The following RASSF6 variants were observed in gnomAD, a reference collection of about 807,000 sequenced individuals.
RASSF6 encodes ras association domain-containing protein 6.
In RASSF6, 52 loss-of-function variants were observed where a neutral mutation model predicts 44.0. That is an observed-to-expected ratio of 1.18 (90% CI 0.95 to 1.49). The LOEUF (loss-of-function observed/expected upper bound fraction) is 1.49. RASSF6 is among the 40% of genes most tolerant of loss of function. The pLI is 0.00. For synonymous variants in RASSF6, 162 were observed against 124.6 expected, an observed-to-expected ratio of 1.30 and a Z score of -2.00; for missense variants, 464 against 393.3, an observed-to-expected ratio of 1.18 and a Z score of -1.52.
chr4:73,611,226 T>A lies in RASSF6; in HGVS notation c.65+505A>T, dbSNP rs931109404. Among the ~76,000 whole-genome samples the A allele has an allele frequency of 3.3e-5, 5 of 152,294 alleles. No homozygotes were observed. In the East Asian group the frequency reaches 7.7e-4, roughly 24 times the overall value. On this transcript the variant is annotated intron_variant, in intron 2 of 10. Coordinates refer to ENST00000307439, the MANE Select transcript of RASSF6 (RefSeq NM_177532.5). ...GTTTTCATCTCTACTCTTATAGCTTTTAAGCCCTTACTCTATTGTTCCCAA... is the reference window on the plus strand; with the variant it reads ...GTTTTCATCTCTACTCTTATAGCTTATAAGCCCTTACTCTATTGTTCCCAA...
rs1428783905 is a variant in RASSF6, at chr4:73,593,542, C to T, written c.196G>A (p.Val66Ile). Residue 66 changes from valine (V) to isoleucine (I), a missense_variant, in exon 4 of 11, where the codon GTA becomes ATA. Transcript: ENST00000307439. ...VEGMLDIFWG[V>I]KRPIQLKIQD... The stretch of plus-strand genomic sequence containing the variant: ...ATTTTTAGCTGTATAGGTCGTTTTA[C>T]TCCCCAGAAAATGTCCAGCATTCCT... 1 of 1,613,710 alleles carries T rather than the reference C, an allele frequency of 6.2e-7. No homozygotes were observed. The highest frequency in any genetic ancestry group is 8.5e-7 in the Non-Finnish European group (1 of 1,179,806).
intron 8 of RASSF6, among the ~76,000 whole-genome samples, chr4:73,577,549 A>G (rs1050904677): frequency 6.6e-6 from 1 of 152,166 alleles, no homozygotes. Context: ...TATCCCAGGA[A>G]AAGAGTCAAG....
chr4:73,610,259 G>C (rs1014075503), intron 2 of RASSF6, among the ~76,000 whole-genome samples: 13 of 152,088 alleles, frequency 8.5e-5, no homozygotes, highest in African/African-American at 2.2e-4. Context: ...ACTATATCCA[G>C]AATCTGACCA....
In RASSF6 at chr4:73,585,369, G is replaced by A; in HGVS notation, c.383-5C>T. On this transcript the variant is annotated splice_region_variant and splice_polypyrimidine_tract_variant and intron_variant, in intron 5 of 10. Coordinates refer to ENST00000307439, the MANE Select transcript of RASSF6 (RefSeq NM_177532.5). ...TGCTGTGATAAGATAAATAGTCTGG[G>A]AAGAATAGATTATAAGCTCATATCA... The A allele has an allele frequency of 1.9e-6, 3 of 1,569,378 alleles. No individual in the cohort carries two copies. The highest frequency in any genetic ancestry group is 2.6e-6 in the Non-Finnish European group (3 of 1,160,216).
rs144927031 is a variant in RASSF6, at chr4:73,593,493, G to C, written c.245C>G (p.Ser82Cys). 1 of 1,613,640 alleles carries C rather than the reference G, an allele frequency of 6.2e-7. No individual in the cohort carries two copies. The highest frequency in any genetic ancestry group is 1.1e-5 in the South Asian group (1 of 90,902). The change falls in exon 4 of 11, where the codon TCT becomes TGT. Residue 82 changes from serine to cysteine, a missense_variant. Ser to Cys is a moderately radical substitution (Grantham distance 112, BLOSUM62 -1). Coordinates refer to ENST00000307439, the MANE Select transcript of RASSF6 (RefSeq NM_177532.5). ...GTCTGATGACTTCATACTAGTAAAA[G>C]AAGAGAATGGCTTCTCATCTTGTAT... ...LKIQDEKPFSSFTSMKSSDVF... is the reference protein window; with the variant it reads ...LKIQDEKPFSCFTSMKSSDVF...
intron 2 of RASSF6, among the ~76,000 whole-genome samples, chr4:73,599,585 A>T (rs1341661364): frequency 6.6e-6 from 1 of 152,178 alleles, no homozygotes; most frequent in Non-Finnish European, 1.5e-5. Context: ...CAGTGGGAAC[A>T]CTGGCTCTTA....
intron 2 of RASSF6, 47 bp from the exon 3 acceptor site, chr4:73,598,765 C>T (rs140093207): frequency 1.5e-4 from 123 of 820,996 alleles, no homozygotes; most frequent in African/African-American, 2.0e-4. Context: ...GAGTTTTTAA[C>T]GTAAAAGGTG....
intron 1 of RASSF6, chr4:73,615,791 A>AGGCAGTGTTGGGCAGCATTAGCGTTCC (rs1212764073): frequency 1.1e-6 from 1 of 900,652 alleles, no homozygotes; most frequent in East Asian, 2.6e-5. Flanking sequence ...GAGCCTGAGG[A>AGGCAGTGTTGGGCAGCATTAGCGTTCC]GGCAGTGTTG....
chr4:73,602,045 C>T (rs970686321), intron 2 of RASSF6, among the ~76,000 whole-genome samples: 1 of 152,142 alleles, frequency 6.6e-6, no homozygotes, highest in African/African-American at 2.4e-5. Context: ...AAAGAGTTTA[C>T]CTGGCAAAGA....
At chr4:73,577,256 A>G (rs965708877) in intron 8 of RASSF6, among the ~76,000 whole-genome samples, 3 of 152,170 alleles carry the variant, frequency 2.0e-5, no homozygotes, top group African/African-American at 7.2e-5. Flanking sequence ...ATCTGGGCTT[A>G]ATCCATTCAG....
intron 5 of RASSF6, among the ~76,000 whole-genome samples, chr4:73,587,289 A>G (rs953378447): frequency 1.6e-4 from 25 of 152,086 alleles, no homozygotes; most frequent in African/African-American, 4.6e-4. Flanking sequence ...CAAGTTCAGT[A>G]TGGATCCATT....
At chr4:73,591,510 C>T (rs138275078) in intron 4 of RASSF6, among the ~76,000 whole-genome samples, 160 of 152,116 alleles carry the variant, frequency 1.1e-3, no homozygotes, top group South Asian at 2.5e-3. Flanking sequence ...TTTATAAATC[C>T]GTATCTTGTA....
At chr4:73,597,929 C>CA (rs1725042188) in intron 3 of RASSF6, among the ~76,000 whole-genome samples, 1 of 152,086 alleles carries the variant, frequency 6.6e-6, no homozygotes, top group Non-Finnish European at 1.5e-5. Flanking sequence ...CACACATGGA[C>CA]ACATAGAGGG....
intron 2 of RASSF6, 69 bp downstream of exon 2, chr4:73,611,662 A>G (rs1726018559): frequency 1.1e-6 from 1 of 934,646 alleles, no homozygotes; most frequent in African/African-American, 1.6e-5. Context: ...CATGCTTAGA[A>G]AACTTTGACG....
chr4:73,612,231 T>C (rs573272001), intron 1 of RASSF6, among the ~76,000 whole-genome samples: 2 of 152,020 alleles, frequency 1.3e-5, no homozygotes, highest in East Asian at 1.9e-4. Flanking sequence ...ACTTGAAGAG[T>C]TGATTAGGTA....
At position 73,576,459 on chromosome 4, in the gene RASSF6, G is replaced by A; in HGVS notation, c.889C>T (p.Gln297Ter). The change falls in exon 10 of 11, where the codon CAA (glutamine) becomes TAA (stop). Residue 297 changes from glutamine (Q) to a stop codon, truncating the protein, a stop_gained. Transcript: ENST00000307439. LOFTEE classifies it high-confidence loss of function. ...FHFSLLESIL[Q>*]RLNEEEKREI... is the part of the protein sequence containing the mutation. ...CTTTTCTCTTCTTCATTTAATCTTT[G>A]AAGAATGGATTCCAAGAGAGAAAAG... The A allele has an allele frequency of 1.3e-6, 2 of 1,583,888 alleles. No homozygotes were observed. The highest frequency in any genetic ancestry group is 2.3e-5 in the East Asian group (1 of 44,412).
intron 4 of RASSF6, among the ~76,000 whole-genome samples, chr4:73,591,152 C>T (rs903209541): frequency 6.6e-6 from 1 of 152,096 alleles, no homozygotes; most frequent in African/African-American, 2.4e-5. Flanking sequence ...TCTATTCTCA[C>T]CACAAAAAAT....
At chr4:73,585,496 CT>C (rs1724019537) in intron 5 of RASSF6, 132 bp from the exon 6 acceptor site, 1 of 504,648 alleles carries the variant, frequency 2.0e-6, no homozygotes, top group South Asian at 6.6e-5. Context: ...TTATAGTCCA[CT>C]GCTTAGCTGC....
intron 3 of RASSF6, among the ~76,000 whole-genome samples, chr4:73,595,891 T>C (rs898558446): frequency 6.6e-6 from 1 of 152,178 alleles, no homozygotes; most frequent in African/African-American, 2.4e-5. Context: ...TAAATTTCCT[T>C]CTGTCCAAAC....
Sources: gnomAD v4.1 joint callset for allele counts (sites outside exome capture counted in the v4.1 genomes callset) on GRCh38, gnomAD v4.1.1 for gene constraint, MANE v1.5 for transcripts, NCBI Gene and HGNC (gene_info 2026-07-23, HGNC 2026-07-21) for gene names.